YTHDF3: variants seen among roughly 807,000 people sequenced by gnomAD.
The protein encoded by YTHDF3 is YTH domain-containing family protein 3.
A neutral mutation model predicts 52.5 loss-of-function variants in YTHDF3; 9 were observed. That is an observed-to-expected ratio of 0.17 (90% CI 0.10 to 0.30). The LOEUF is 0.30. Among genes scored for constraint, YTHDF3 ranks in the 10% least tolerant of loss-of-function variants. The pLI, the probability that YTHDF3 is intolerant of heterozygous loss-of-function variation, is 1.00. For missense variants in YTHDF3, 534 were observed against 715.0 expected, an observed-to-expected ratio of 0.75 and a Z score of 2.89; for synonymous variants, 274 against 243.3, an observed-to-expected ratio of 1.13 and a Z score of -1.18.
At chr8:63,201,066 A>C (rs1661443134) in intron 4 of YTHDF3, among the ~76,000 whole-genome samples, 1 of 152,248 alleles carries the variant, frequency 6.6e-6, no homozygotes, top group African/African-American at 2.4e-5. Flanking sequence ...TCTGTCTTCA[A>C]GGAGCTAAAG....
chr8:63,183,642 A>G (rs1336923010), intron 3 of YTHDF3, among the ~76,000 whole-genome samples: 1 of 152,192 alleles, frequency 6.6e-6, no homozygotes, highest in Non-Finnish European at 1.5e-5. Context: ...AATATTGTGA[A>G]CATTCTTTGA....
chr8:63,203,010 G>A (rs1809743113), intron 4 of YTHDF3, among the ~76,000 whole-genome samples: 1 of 152,080 alleles, frequency 6.6e-6, no homozygotes, highest in South Asian at 2.1e-4. Flanking sequence ...GGGAGGCCAA[G>A]GCACGCGGAT....
chr8:63,208,674 T>A (rs1248085912), intron 4 of YTHDF3, among the ~76,000 whole-genome samples: 2 of 152,244 alleles, frequency 1.3e-5, no homozygotes, highest in African/African-American at 2.4e-5. Flanking sequence ...GATAGGCATG[T>A]ACAATGCTAG....
chr8:63,181,260 A>T (rs1156767859), intron 3 of YTHDF3, among the ~76,000 whole-genome samples: 1 of 152,154 alleles, frequency 6.6e-6, no homozygotes, highest in Non-Finnish European at 1.5e-5. Context: ...GGTATTCATT[A>T]GTTTTGTCTA....
At chr8:63,184,201 T>TA (rs1460576656) in intron 3 of YTHDF3, among the ~76,000 whole-genome samples, 2 of 152,186 alleles carry the variant, frequency 1.3e-5, no homozygotes, top group Non-Finnish European at 2.9e-5. Context: ...ATGATACAAA[T>TA]AAAAAACCAA....
intron 3 of YTHDF3, among the ~76,000 whole-genome samples, chr8:63,177,993 A>G (rs897518852): frequency 6.6e-6 from 1 of 152,136 alleles, no homozygotes; most frequent in Admixed American, 6.6e-5. Context: ...CCTGACGTCA[A>G]GTGATCCACC....
chr8:63,177,075 T>C (rs1807742226), intron 3 of YTHDF3, among the ~76,000 whole-genome samples: 1 of 152,236 alleles, frequency 6.6e-6, no homozygotes, highest in Non-Finnish European at 1.5e-5. Context: ...GTTTGACTTG[T>C]CTGCTTGCAT....
chr8:63,187,829 T>A, intron 4 of YTHDF3, 84 bp downstream of exon 4: 1 of 1,427,416 alleles, frequency 7.0e-7, no homozygotes, highest in South Asian at 1.5e-5. Context: ...TTAAGAACTT[T>A]CTGTGAAGGA....
At chr8:63,175,260 T>TA in intron 2 of YTHDF3, 71 bp from the exon 3 acceptor site, 2 of 1,150,544 alleles carry the variant, frequency 1.7e-6, no homozygotes, top group Non-Finnish European at 2.5e-6. Flanking sequence ...TGAAAAATAT[T>TA]AAAAACATTA....
intron 3 of YTHDF3, among the ~76,000 whole-genome samples, chr8:63,181,011 T>A (rs1808098702): frequency 6.6e-6 from 1 of 152,236 alleles, no homozygotes; most frequent in Non-Finnish European, 1.5e-5. Context: ...ATTAGTTCTT[T>A]ATAGTTCTTC....
In YTHDF3 at chr8:63,186,296, T is replaced by C. The variant is rs1808497199; in HGVS notation, c.285T>C (p.Asn95=). 1 of 1,614,016 alleles carries C rather than the reference T, an allele frequency of 6.2e-7. No individual in the cohort carries two copies. Among genetic ancestry groups the C allele is most frequent in the East Asian group, 2.2e-5 (1 of 44,874 alleles). ...PYLTTYGQMS[N]GEHHYIPDGV... ...TGACAACCTATGGACAAATGAGTAATGGAGAACATCACTATATACCAGATG... is the reference window on the plus strand; with the variant it reads ...TGACAACCTATGGACAAATGAGTAACGGAGAACATCACTATATACCAGATG... The change falls in exon 4 of 5, where the codon AAT becomes AAC. Residue 95 remains asparagine (N), a synonymous_variant. Transcript: ENST00000539294.
At chr8:63,178,125 ATCT>A (rs1399870604) in intron 3 of YTHDF3, among the ~76,000 whole-genome samples, 1 of 152,226 alleles carries the variant, frequency 6.6e-6, no homozygotes, top group East Asian at 1.9e-4. Context: ...TACCTGAGTA[ATCT>A]TCTTGCATGT....
chr8:63,204,102 A>AT (rs999094669), intron 4 of YTHDF3, among the ~76,000 whole-genome samples: 2 of 151,928 alleles, frequency 1.3e-5, no homozygotes, highest in East Asian at 1.9e-4. Flanking sequence ...ACTTTGTGAC[A>AT]TTTTTTGTTG....
At chr8:63,178,565 T>A (rs1176817173) in intron 3 of YTHDF3, among the ~76,000 whole-genome samples, 1 of 152,224 alleles carries the variant, frequency 6.6e-6, no homozygotes, top group Non-Finnish European at 1.5e-5. Context: ...GTATCCTGTT[T>A]GAAGAGAAGT....
chr8:63,206,261 C>T (rs373040481), intron 4 of YTHDF3, among the ~76,000 whole-genome samples: 6 of 152,066 alleles, frequency 3.9e-5, no homozygotes, highest in East Asian at 1.9e-4. Context: ...TCAGTAGAGA[C>T]GGGGTTTGTC....
chr8:63,209,779 A>G lies in YTHDF3; in HGVS notation c.*73A>G. ...CTGGAAATGCCTAATAAGTCAAAGA[A>G]GACGTATTAAAGCTCTTTTCTGCTT... On this transcript the variant is annotated 3_prime_UTR_variant, in exon 5 of 5. Coordinates refer to ENST00000539294, the MANE Select transcript of YTHDF3 (RefSeq NM_152758.6). 1 of 1,420,690 alleles carries G rather than the reference A, an allele frequency of 7.0e-7. No homozygotes were observed. The highest frequency in any genetic ancestry group is 9.5e-7 in the Non-Finnish European group (1 of 1,053,502). 88.0% of individuals were successfully genotyped at this position (1,420,690 alleles called of 1,614,324 possible). A position where few individuals can be genotyped will look rare whatever the true frequency, so the allele number is the denominator to read the frequency against.
chr8:63,193,872 A>G (rs1809071201), intron 4 of YTHDF3, among the ~76,000 whole-genome samples: 1 of 152,194 alleles, frequency 6.6e-6, no homozygotes, highest in South Asian at 2.1e-4. Flanking sequence ...CACAGTTGTA[A>G]ATGAGAATCT....
chr8:63,178,962 T>C (rs917831422), intron 3 of YTHDF3, among the ~76,000 whole-genome samples: 1 of 152,214 alleles, frequency 6.6e-6, no homozygotes, highest in Non-Finnish European at 1.5e-5. Flanking sequence ...ACAGTGTGTT[T>C]TAAAAATTAA....
chr8:63,211,909 A>C lies in YTHDF3; in HGVS notation c.*2203A>C, dbSNP rs1810389129. 1 of 152,558 alleles carries C rather than the reference A, an allele frequency of 6.6e-6. No homozygotes were observed. Among genetic ancestry groups the C allele is most frequent in the Non-Finnish European group, 1.5e-5 (1 of 68,012 alleles). The allele number at this position is 152,558 out of a possible 1,614,324, so 9.5% of individuals were successfully genotyped here. ...TGATAATTTTGTGTTTTTCTCATATAAGTTTTCTCCAGAGCACCCACCTTC... is the reference window on the plus strand; with the variant it reads ...TGATAATTTTGTGTTTTTCTCATATCAGTTTTCTCCAGAGCACCCACCTTC... On this transcript the variant is annotated 3_prime_UTR_variant, in exon 5 of 5. Transcript: ENST00000539294.
Sources: gnomAD v4.1 joint callset for allele counts (sites outside exome capture counted in the v4.1 genomes callset) on GRCh38, gnomAD v4.1.1 for gene constraint, MANE v1.5 for transcripts, NCBI Gene and HGNC (gene_info 2026-07-23, HGNC 2026-07-21) for gene names.